The following GALNT13 variants were observed in gnomAD, a reference collection of about 807,000 sequenced individuals.
GALNT13 encodes UDP-GalNAc:polypeptide N-acetylgalactosaminyltransferase 13.
A neutral mutation model predicts 64.2 loss-of-function variants in GALNT13; 28 were observed. The ratio of observed to expected loss-of-function variants is 0.44; its 90% CI spans 0.32 to 0.60. GALNT13 has a LOEUF of 0.60. Among genes scored for constraint, GALNT13 ranks in the 20% least tolerant of loss-of-function variants. GALNT13 has a pLI of 0.05. For synonymous variants in GALNT13, 214 were observed against 224.6 expected (o/e 0.95, Z 0.42); for missense variants, 577 against 669.8 (o/e 0.86, Z 1.53).
At chr2:154,414,008 T>TA (rs1242068568) in intron 11 of GALNT13, among the ~76,000 whole-genome samples, 1 of 152,072 alleles carries the variant, frequency 6.6e-6, no homozygotes, top group Non-Finnish European at 1.5e-5. Context: ...GGATAAGCTA[T>TA]AATTTATTTA....
At chr2:153,710,067 A>C in the GALNT13 span, among the ~76,000 whole-genome samples, 3 of 152,052 alleles carry the variant, frequency 2.0e-5, no homozygotes, top group African/African-American at 7.2e-5. Context: ...ATCGCACAGC[A>C]TGGTGAATAT....
In GALNT13 at chr2:154,022,905, T is replaced by C. The variant is rs185587226; in HGVS notation, c.142+78266T>C. Reference sequence around the variant, plus strand: ...ATTCTGGTGTGTTGTGTCTTTGTTCTCATTGGTTTCAAAGAACATCTTTAT... The same window carrying C: ...ATTCTGGTGTGTTGTGTCTTTGTTCCCATTGGTTTCAAAGAACATCTTTAT... On this transcript the variant is annotated intron_variant, in intron 3 of 12. Transcript: ENST00000392825. Among the ~76,000 whole-genome samples, 40 of 152,328 alleles carry C rather than the reference T, an allele frequency of 2.6e-4. No individual in the cohort carries two copies. In the East Asian group the frequency reaches 6.6e-3, roughly 25 times the overall value.
chr2:154,133,551 T>TATATATATATATAC, intron 3 of GALNT13, among the ~76,000 whole-genome samples: 1 of 24,096 alleles, frequency 4.2e-5, no homozygotes, highest in South Asian at 1.6e-3. Context: ...TATATATATA[T>TATATATATATATAC]ATATATATAT....
chr2:154,436,370 C>T lies in GALNT13; in HGVS notation c.1396-2222C>T, dbSNP rs2105463065. 1.3e-5 allele frequency: 2 copies of T among 152,266 alleles called. 1 individual carries two copies. Among genetic ancestry groups the T allele is most frequent in the South Asian group, 4.1e-4 (2 of 4,832 alleles). The allele number at this position is 152,266 out of a possible 1,614,324, so 9.4% of individuals were successfully genotyped here. The stretch of plus-strand genomic sequence containing the variant: ...GTAGACTGCTCTCTGAAAGGTTCAA[C>T]AGGTACTGTTTCCAAACTATCTTAA... On this transcript the variant is annotated intron_variant, in intron 11 of 12. Coordinates refer to ENST00000392825, the MANE Select transcript of GALNT13 (RefSeq NM_052917.4).
chr2:153,265,179 C>G, the GALNT13 span, among the ~76,000 whole-genome samples: 1 of 152,202 alleles, frequency 6.6e-6, no homozygotes. Context: ...GCAACCCCAG[C>G]TGATGTCTCA....
At chr2:153,177,131 A>T in the GALNT13 span, among the ~76,000 whole-genome samples, 1 of 43,326 alleles carries the variant, frequency 2.3e-5, no homozygotes, top group Non-Finnish European at 4.3e-5. Context: ...TTACCTTGTA[A>T]CATATGCAAA....
At chr2:153,664,245 G>A in the GALNT13 span, among the ~76,000 whole-genome samples, 13 of 152,202 alleles carry the variant, frequency 8.5e-5, no homozygotes, top group East Asian at 5.8e-4. Context: ...CAGAGTGGCC[G>A]TTCATATACC....
At chr2:153,167,429 T>G in the GALNT13 span, among the ~76,000 whole-genome samples, 3 of 152,214 alleles carry the variant, frequency 2.0e-5, no homozygotes, top group African/African-American at 7.2e-5. Flanking sequence ...AAGTAAACTT[T>G]CCCTTTTGTA....
chr2:153,443,945 A>G, the GALNT13 span, among the ~76,000 whole-genome samples: 1 of 152,086 alleles, frequency 6.6e-6, no homozygotes, highest in Admixed American at 6.6e-5. Context: ...GTTTCTCATA[A>G]GGGCCTTCCC....
At chr2:153,746,410 C>A in the GALNT13 span, among the ~76,000 whole-genome samples, 1 of 152,120 alleles carries the variant, frequency 6.6e-6, no homozygotes, top group East Asian at 1.9e-4. Context: ...ATTATTGAAT[C>A]ATATAGTGTG....
At chr2:153,439,681 G>A in the GALNT13 span, among the ~76,000 whole-genome samples, 2 of 152,312 alleles carry the variant, frequency 1.3e-5, no homozygotes, top group East Asian at 1.9e-4. Flanking sequence ...CATAGTATTA[G>A]GGTGGGAGTG....
chr2:153,492,507 G>T, the GALNT13 span, among the ~76,000 whole-genome samples: 1 of 151,472 alleles, frequency 6.6e-6, no homozygotes, highest in Non-Finnish European at 1.5e-5. Context: ...GACTAAAGAA[G>T]CTAGCAAGAG....
intron 4 of GALNT13, among the ~76,000 whole-genome samples, chr2:154,174,657 AT>A (rs575060319): frequency 2.8e-4 from 42 of 152,232 alleles, no homozygotes; most frequent in African/African-American, 8.2e-4. Context: ...TATAACCTTT[AT>A]TTCCTTTCTT....
At chr2:153,182,414 A>G in the GALNT13 span, among the ~76,000 whole-genome samples, 5 of 152,192 alleles carry the variant, frequency 3.3e-5, no homozygotes, top group Non-Finnish European at 7.4e-5. Flanking sequence ...ATTTTCACAG[A>G]TATGAACCAA....
At chr2:153,757,641 C>T in the GALNT13 span, among the ~76,000 whole-genome samples, 1 of 152,168 alleles carries the variant, frequency 6.6e-6, no homozygotes, top group African/African-American at 2.4e-5. Context: ...CCCTCCCCTA[C>T]ACTTGTTATC....
chr2:153,277,685 T>G, the GALNT13 span, among the ~76,000 whole-genome samples: 1 of 152,034 alleles, frequency 6.6e-6, no homozygotes, highest in Non-Finnish European at 1.5e-5. Context: ...TATAAGGATT[T>G]CCTTTTCTCA....
chr2:153,706,294 C>T, the GALNT13 span, among the ~76,000 whole-genome samples: 2 of 152,166 alleles, frequency 1.3e-5, no homozygotes, highest in Middle Eastern at 3.4e-3. Flanking sequence ...TGCACCCAGC[C>T]AAGGACTATA....
chr2:153,994,900 T>C (rs7578960), intron 3 of GALNT13, among the ~76,000 whole-genome samples: 59,302 of 151,952 alleles, frequency 0.39, 14,635 homozygotes, highest in Non-Finnish European at 0.55. Context: ...TTTCTTTTGC[T>C]GTGCAGAAGC....
At chr2:153,831,190 G>A in the GALNT13 span, among the ~76,000 whole-genome samples, 4 of 151,978 alleles carry the variant, frequency 2.6e-5, no homozygotes, top group African/African-American at 7.3e-5. Flanking sequence ...ACTTTGCCTC[G>A]TTTTTTCCTT....
Sources: allele counts gnomAD v4.1 joint callset (sites outside exome capture counted in the v4.1 genomes callset), GRCh38; gene constraint gnomAD v4.1.1; transcripts MANE v1.5; gene names NCBI Gene and HGNC (gene_info 2026-07-23, HGNC 2026-07-21).